GALNT13: variants seen among roughly 807,000 people sequenced by gnomAD.
GALNT13 encodes the protein polypeptide N-acetylgalactosaminyltransferase 13.
GALNT13 carries 28 observed loss-of-function variants against 64.2 expected under a neutral mutation model. That is an observed-to-expected ratio of 0.44 (90% CI 0.32 to 0.60). The LOEUF is 0.60. Ranked by LOEUF, GALNT13 falls within the 20% of genes least tolerant of loss-of-function variation. The pLI, the probability that GALNT13 is intolerant of heterozygous loss-of-function variation, is 0.05. For missense variants in GALNT13, 577 were observed against 669.8 expected (o/e 0.86, Z 1.53); for synonymous variants, 214 against 224.6 (o/e 0.95, Z 0.42).
At chr2:154,150,757 T>C (rs1157057701) in intron 4 of GALNT13, among the ~76,000 whole-genome samples, 1 of 152,258 alleles carries the variant, frequency 6.6e-6, no homozygotes, top group East Asian at 1.9e-4. Flanking sequence ...TTTGTTTTTC[T>C]GTGGGATCGG....
At chr2:153,498,727 A>G in the GALNT13 span, among the ~76,000 whole-genome samples, 347 of 152,304 alleles carry the variant, frequency 2.3e-3, 3 homozygotes, top group South Asian at 8.7e-3. Flanking sequence ...TGCCCTCCCT[A>G]AAGGGCCGCA....
At chr2:153,531,700 T>TAAC in the GALNT13 span, among the ~76,000 whole-genome samples, 1 of 151,766 alleles carries the variant, frequency 6.6e-6, no homozygotes, top group Non-Finnish European at 1.5e-5. Context: ...GCCTGTAAAA[T>TAAC]AATAATAATA....
the GALNT13 span, among the ~76,000 whole-genome samples, chr2:153,813,501 G>C: frequency 6.7e-6 from 1 of 150,160 alleles, no homozygotes; most frequent in African/African-American, 2.4e-5. Flanking sequence ...GTTATGGAGA[G>C]GGTGGGAGGA....
At chr2:154,319,243 T>G (rs1480995444) in intron 9 of GALNT13, among the ~76,000 whole-genome samples, 1 of 152,156 alleles carries the variant, frequency 6.6e-6, no homozygotes, top group African/African-American at 2.4e-5. Flanking sequence ...AACAGGAGCT[T>G]TTGTTTCACA....
chr2:153,802,219 C>T, the GALNT13 span, among the ~76,000 whole-genome samples: 3 of 152,112 alleles, frequency 2.0e-5, no homozygotes, highest in African/African-American at 7.2e-5. Context: ...AAAATGTTAG[C>T]ACCTATAAAT....
At chr2:153,344,000 A>G in the GALNT13 span, among the ~76,000 whole-genome samples, 1 of 151,502 alleles carries the variant, frequency 6.6e-6, no homozygotes, top group Non-Finnish European at 1.5e-5. Flanking sequence ...TTTCCTCAGA[A>G]CTCCCCCTGC....
intron 2 of GALNT13, among the ~76,000 whole-genome samples, chr2:153,937,466 T>C (rs989942736): frequency 2.0e-5 from 3 of 152,168 alleles, no homozygotes; most frequent in African/African-American, 7.2e-5. Flanking sequence ...TAGTAGTTAC[T>C]TATGTCTATG....
At chr2:153,999,442 G>A (rs912365109) in intron 3 of GALNT13, among the ~76,000 whole-genome samples, 2 of 151,990 alleles carry the variant, frequency 1.3e-5, no homozygotes, top group Non-Finnish European at 2.9e-5. Context: ...TATGTTATTA[G>A]CTGTGGGTTT....
chr2:154,076,969 T>TA (rs1247854899), intron 3 of GALNT13, among the ~76,000 whole-genome samples: 1 of 151,694 alleles, frequency 6.6e-6, no homozygotes, highest in Non-Finnish European at 1.5e-5. Context: ...AGGTGGTCTC[T>TA]AAAATCTGCT....
At chr2:153,296,590 C>T in the GALNT13 span, among the ~76,000 whole-genome samples, 1 of 152,044 alleles carries the variant, frequency 6.6e-6, no homozygotes, top group Non-Finnish European at 1.5e-5. Context: ...AGTGAAATTG[C>T]CATTATACTC....
intron 4 of GALNT13, among the ~76,000 whole-genome samples, chr2:154,195,251 G>A (rs961156327): frequency 6.6e-6 from 1 of 152,032 alleles, no homozygotes; most frequent in African/African-American, 2.4e-5. Context: ...CCGGACTTTT[G>A]TCTTCTGCTG....
At chr2:153,105,601 C>T in the GALNT13 span, among the ~76,000 whole-genome samples, 1 of 152,210 alleles carries the variant, frequency 6.6e-6, no homozygotes, top group African/African-American at 2.4e-5. Flanking sequence ...TTGCAGATGA[C>T]ATGATTGTAT....
intron 2 of GALNT13, among the ~76,000 whole-genome samples, chr2:153,904,821 T>C (rs1450224602): frequency 6.6e-6 from 1 of 151,912 alleles, no homozygotes; most frequent in Non-Finnish European, 1.5e-5. Flanking sequence ...TTTATATCTT[T>C]CCACTTGCCT....
chr2:153,280,057 G>T, the GALNT13 span, among the ~76,000 whole-genome samples: 1 of 152,040 alleles, frequency 6.6e-6, no homozygotes, highest in Non-Finnish European at 1.5e-5. Context: ...TGAAGTTGGT[G>T]TATATAGGAT....
chr2:153,534,726 T>G, the GALNT13 span, among the ~76,000 whole-genome samples: 1 of 151,662 alleles, frequency 6.6e-6, no homozygotes, highest in Non-Finnish European at 1.5e-5. Context: ...TGGGGGAGCT[T>G]TTTGAGCCAG....
chr2:154,023,809 G>T (rs373863461), intron 3 of GALNT13, among the ~76,000 whole-genome samples: 4 of 152,152 alleles, frequency 2.6e-5, no homozygotes, highest in African/African-American at 9.7e-5. Flanking sequence ...TTACAATTTG[G>T]CATGTTTTTG....
the GALNT13 span, among the ~76,000 whole-genome samples, chr2:153,590,931 C>T: frequency 6.6e-6 from 1 of 151,840 alleles, no homozygotes; most frequent in Non-Finnish European, 1.5e-5. Flanking sequence ...TAATTTTCAC[C>T]ACTCCTATTC....
At chr2:154,208,318 T>G (rs941282928) in intron 4 of GALNT13, among the ~76,000 whole-genome samples, 4 of 152,194 alleles carry the variant, frequency 2.6e-5, no homozygotes, top group South Asian at 4.1e-4. Context: ...AAGCAGAACT[T>G]AGAGTCAGAA....
chr2:153,301,634 C>G, the GALNT13 span, among the ~76,000 whole-genome samples: 1 of 152,106 alleles, frequency 6.6e-6, no homozygotes, highest in Admixed American at 6.6e-5. Context: ...CAGTAGATCT[C>G]TTGAACTTAT....
Sources: gnomAD v4.1 joint callset for allele counts (sites outside exome capture counted in the v4.1 genomes callset) on GRCh38, gnomAD v4.1.1 for gene constraint, MANE v1.5 for transcripts, NCBI Gene and HGNC (gene_info 2026-07-23, HGNC 2026-07-21) for gene names.